ATF7IP2: variants seen among roughly 807,000 people sequenced by gnomAD.
ATF7IP2 encodes activating transcription factor 7-interacting protein 2.
A neutral mutation model predicts 64.2 loss-of-function variants in ATF7IP2; 42 were observed. That is an observed-to-expected ratio of 0.65 (90% confidence interval 0.51 to 0.85). The LOEUF (loss-of-function observed/expected upper bound fraction) is 0.85. Ranked by LOEUF, ATF7IP2 falls within the 40% of genes least tolerant of loss-of-function variation. ATF7IP2 has a pLI of 0.00. For missense variants in ATF7IP2, 933 were observed against 784.2 expected, an observed-to-expected ratio of 1.19 and a Z score of -2.27; for synonymous variants, 308 against 272.8, an observed-to-expected ratio of 1.13 and a Z score of -1.27.
At chr16:10,399,208 G>GA (rs765621307) in intron 1 of ATF7IP2, among the ~76,000 whole-genome samples, 69 of 152,222 alleles carry the variant, frequency 4.5e-4, no homozygotes, top group Non-Finnish European at 7.8e-4. Flanking sequence ...CGGTATTGTT[G>GA]AAATTCATAA....
intron 2 of ATF7IP2, 33 bp from the exon 3 acceptor site, chr16:10,419,548 A>C (rs1223313170): frequency 6.5e-6 from 1 of 153,024 alleles, no homozygotes; most frequent in Non-Finnish European, 1.5e-5. Flanking sequence ...TCATTAAATT[A>C]CTCATTGTGA....
chr16:10,394,635 A>G (rs1375010097), intron 1 of ATF7IP2, among the ~76,000 whole-genome samples: 1 of 152,174 alleles, frequency 6.6e-6, no homozygotes, highest in African/African-American at 2.4e-5. Context: ...GCAAACCAAC[A>G]CACTTAAAAG....
intron 8 of ATF7IP2, among the ~76,000 whole-genome samples, chr16:10,441,272 G>A (rs762727669): frequency 1.4e-4 from 21 of 152,128 alleles, no homozygotes; most frequent in Non-Finnish European, 2.9e-4. Context: ...ACCCAGTAAT[G>A]GGATTGCTGG....
intron 8 of ATF7IP2, among the ~76,000 whole-genome samples, chr16:10,440,820 A>T (rs891846889): frequency 1.3e-5 from 2 of 152,196 alleles, no homozygotes; most frequent in Non-Finnish European, 2.9e-5. Context: ...TTACATAGGT[A>T]TACACGTGTC....
At chr16:10,386,371 A>T (rs1005703011) in intron 1 of ATF7IP2, 1 of 152,202 alleles carries the variant, frequency 6.6e-6, no homozygotes, top group Non-Finnish European at 1.5e-5. Context: ...GTGAAGCGGG[A>T]GTGGTGTGCG....
At chr16:10,427,632 G>T (rs1480754385) in intron 3 of ATF7IP2, among the ~76,000 whole-genome samples, 1 of 152,126 alleles carries the variant, frequency 6.6e-6, no homozygotes, top group Non-Finnish European at 1.5e-5. Flanking sequence ...AAGGCATGAG[G>T]ATCACTTCAG....
intron 3 of ATF7IP2, among the ~76,000 whole-genome samples, chr16:10,421,527 A>C (rs572190818): frequency 1.3e-5 from 2 of 152,174 alleles, no homozygotes; most frequent in African/African-American, 4.8e-5. Context: ...AATGTTTTCA[A>C]TTGATCCCTA....
chr16:10,390,173 A>G (rs2047293386), intron 1 of ATF7IP2, among the ~76,000 whole-genome samples: 1 of 152,180 alleles, frequency 6.6e-6, no homozygotes, highest in Non-Finnish European at 1.5e-5. Flanking sequence ...GGAGAACATC[A>G]CTGGAGAACA....
At chr16:10,426,756 C>G (rs2048093628) in intron 3 of ATF7IP2, among the ~76,000 whole-genome samples, 1 of 152,070 alleles carries the variant, frequency 6.6e-6, no homozygotes. Flanking sequence ...AATTATTTAA[C>G]TTGACTATAT....
chr16:10,458,892 A>G (rs1028027636), intron 9 of ATF7IP2, among the ~76,000 whole-genome samples: 6 of 152,252 alleles, frequency 3.9e-5, no homozygotes, highest in Admixed American at 6.5e-5. Context: ...ACAATTAAAC[A>G]TCAATTAATG....
chr16:10,452,788 G>C (rs1007878169), intron 8 of ATF7IP2, among the ~76,000 whole-genome samples: 5 of 152,204 alleles, frequency 3.3e-5, no homozygotes, highest in Admixed American at 1.3e-4. Flanking sequence ...TGTCCAGAGA[G>C]GAGGAATCTA....
intron 2 of ATF7IP2, among the ~76,000 whole-genome samples, chr16:10,416,973 G>T (rs1189669292): frequency 6.6e-6 from 1 of 152,186 alleles, no homozygotes; most frequent in Admixed American, 6.5e-5. Flanking sequence ...ATTTACCAAT[G>T]TGATTATTAT....
chr16:10,408,736 T>C (rs7186909), intron 1 of ATF7IP2, among the ~76,000 whole-genome samples: 3,039 of 152,324 alleles, frequency 0.02, 92 homozygotes, highest in African/African-American at 0.069. Flanking sequence ...ACTCTAGATA[T>C]TAGTCATTTG....
At chr16:10,440,524 A>C in intron 8 of ATF7IP2, 62 bp downstream of exon 8, 1 of 947,390 alleles carries the variant, frequency 1.1e-6, no homozygotes, top group Admixed American at 3.0e-5. Context: ...GTTTGATTAG[A>C]AGAAATGAAT....
At chr16:10,480,856 C>G (rs1167952467) in intron 12 of ATF7IP2, 23 bp from the exon 13 acceptor site, 3 of 1,513,606 alleles carry the variant, frequency 2.0e-6, no homozygotes, top group Non-Finnish European at 2.8e-6. Context: ...AGATTTACTT[C>G]TTAAACCTTG....
chr16:10,475,603 G>T (rs1205714495), intron 12 of ATF7IP2, among the ~76,000 whole-genome samples: 1 of 149,894 alleles, frequency 6.7e-6, no homozygotes, highest in African/African-American at 2.5e-5. Flanking sequence ...TGAGGCAGGA[G>T]AATGGCGCGA....
intron 9 of ATF7IP2, among the ~76,000 whole-genome samples, chr16:10,466,010 A>G (rs898658487): frequency 3.9e-5 from 6 of 152,164 alleles, no homozygotes; most frequent in African/African-American, 1.4e-4. Flanking sequence ...AGAAACACCA[A>G]TGGCATCCAG....
chr16:10,391,091 A>C (rs11074793), intron 1 of ATF7IP2, among the ~76,000 whole-genome samples: 24 of 151,386 alleles, frequency 1.6e-4, no homozygotes, highest in African/African-American at 5.8e-4. Context: ...CAAGAGTTCA[A>C]GGTTACAGTG....
intron 8 of ATF7IP2, among the ~76,000 whole-genome samples, chr16:10,452,781 C>G (rs1041605065): frequency 1.3e-5 from 2 of 152,148 alleles, no homozygotes; most frequent in Admixed American, 1.3e-4. Flanking sequence ...GATGCCCTGT[C>G]CAGAGAGGAG....
Sources: allele counts gnomAD v4.1 joint callset (sites outside exome capture counted in the v4.1 genomes callset), GRCh38; gene constraint gnomAD v4.1.1; transcripts MANE v1.5; gene names NCBI Gene and HGNC (gene_info 2026-07-23, HGNC 2026-07-21).